The following PTCHD4 variants were observed in gnomAD, a reference collection of about 807,000 sequenced individuals.
PTCHD4 encodes the protein patched domain containing 4, also known as patched domain-containing protein 4.
In PTCHD4, 33 loss-of-function variants were observed where a neutral mutation model predicts 58.1. The observed-to-expected ratio is 0.57, with a 90% CI of 0.43 to 0.76. The LOEUF (loss-of-function observed/expected upper bound fraction) is 0.76. Among genes scored for constraint, PTCHD4 ranks in the 30% least tolerant of loss-of-function variants. The pLI, the probability that PTCHD4 is intolerant of heterozygous loss-of-function variation, is 0.00. For missense variants in PTCHD4, 1,058 were observed against 1,027.1 expected (o/e 1.03, Z -0.41); for synonymous variants, 478 against 409.6 (o/e 1.17, Z -2.02).
chr6:47,986,829 T>C (rs931931008), intron 4 of PTCHD4, among the ~76,000 whole-genome samples: 1 of 152,162 alleles, frequency 6.6e-6, no homozygotes, highest in African/African-American at 2.4e-5. Context: ...ACCAGTGATA[T>C]AGTCTGCTTT....
At chr6:48,039,126 G>A (rs1327245099) in intron 3 of PTCHD4, among the ~76,000 whole-genome samples, 1 of 152,066 alleles carries the variant, frequency 6.6e-6, no homozygotes, top group Non-Finnish European at 1.5e-5. Flanking sequence ...ATCTACAGTG[G>A]CCCCAAAGAG....
rs193003857 is a variant in PTCHD4, at chr6:47,941,626, C to G, written c.899-61690G>C. Among the ~76,000 whole-genome samples the G allele has an allele frequency of 4.5e-4, 68 of 152,206 alleles. No individual in the cohort carries two copies. In the East Asian group the frequency reaches 0.012, roughly 26 times the overall value. On this transcript the variant is annotated intron_variant, in intron 4 of 4. Transcript: ENST00000339488. ...AGATGCAAAATACTCTGGAGTTGAA[C>G]TGAGTAGGGGTTAAGTCAAACTCAA...
intron 4 of PTCHD4, among the ~76,000 whole-genome samples, chr6:47,887,574 T>C (rs1301563938): frequency 1.3e-5 from 2 of 152,218 alleles, no homozygotes; most frequent in African/African-American, 4.8e-5. Context: ...ATTTGGCTGG[T>C]TCAGGATTAT....
At chr6:48,104,637 A>G (rs931494169) in intron 1 of PTCHD4, among the ~76,000 whole-genome samples, 14 of 152,220 alleles carry the variant, frequency 9.2e-5, no homozygotes, top group Admixed American at 2.6e-4. Flanking sequence ...AAATGCTCCA[A>G]TTAAAAGGCA....
intron 3 of PTCHD4, among the ~76,000 whole-genome samples, chr6:48,013,265 G>A (rs530176437): frequency 2.0e-5 from 3 of 151,586 alleles, no homozygotes; most frequent in South Asian, 2.1e-4. Context: ...AACAAGAAAG[G>A]AATTTCATAG....
chr6:47,879,808 G>A lies in PTCHD4; in HGVS notation c.1027C>T (p.Leu343=). Residue 343 remains leucine (L), a synonymous_variant, in exon 5 of 5, where the codon CTG becomes TTG. Transcript: ENST00000339488. ...CCCATGCCAAAAGTGATGAAGTACAGGGAGCTGGTCATGGTATAGGTGACC... is the reference window on the plus strand; with the variant it reads ...CCCATGCCAAAAGTGATGAAGTACAAGGAGCTGGTCATGGTATAGGTGACC... ...VMVTYTMTSS[L]YFITFGMGAS... The A allele has an allele frequency of 1.2e-6, 2 of 1,613,610 alleles. No homozygotes were observed. The highest frequency in any genetic ancestry group is 1.7e-6 in the Non-Finnish European group (2 of 1,179,744).
chr6:47,948,782 C>T (rs956538700), intron 4 of PTCHD4, among the ~76,000 whole-genome samples: 1 of 152,168 alleles, frequency 6.6e-6, no homozygotes, highest in African/African-American at 2.4e-5. Flanking sequence ...TGGCTTCACT[C>T]AGTCTTGGGA....
chr6:48,054,682 T>C (rs1363770854), intron 3 of PTCHD4, among the ~76,000 whole-genome samples: 1 of 152,070 alleles, frequency 6.6e-6, no homozygotes, highest in African/African-American at 2.4e-5. Context: ...GTGCAACCGG[T>C]AAAATGATTA....
intron 3 of PTCHD4, among the ~76,000 whole-genome samples, chr6:48,043,511 T>A (rs1192407918): frequency 6.6e-6 from 1 of 151,928 alleles, no homozygotes; most frequent in Non-Finnish European, 1.5e-5. Context: ...CTCAAAGTTT[T>A]ACCTTAAGTA....
At chr6:47,880,282 C>A (rs527240808) in intron 4 of PTCHD4, among the ~76,000 whole-genome samples, 1 of 152,160 alleles carries the variant, frequency 6.6e-6, no homozygotes, top group Non-Finnish European at 1.5e-5. Context: ...CGGCAGGGGC[C>A]GTTATTTGTG....
At chr6:48,102,658 C>T (rs186679451) in intron 1 of PTCHD4, among the ~76,000 whole-genome samples, 6 of 152,206 alleles carry the variant, frequency 3.9e-5, no homozygotes, top group Non-Finnish European at 7.3e-5. Flanking sequence ...CGAAGCAGGG[C>T]GAGGCATCGC....
chr6:48,104,335 C>A (rs1765674134), intron 1 of PTCHD4, among the ~76,000 whole-genome samples: 1 of 152,194 alleles, frequency 6.6e-6, no homozygotes, highest in African/African-American at 2.4e-5. Flanking sequence ...GCTAGAATTT[C>A]ATTTCCAGCC....
rs184953473 is a variant in PTCHD4, at chr6:48,032,863, C to T, written c.418-23749G>A. 1.5e-3 allele frequency among the ~76,000 whole-genome samples: 223 copies of T among 152,188 alleles called. 4 individuals carry two copies. The South Asian group carries it at 0.038, about 26-fold the overall frequency. On this transcript the variant is annotated intron_variant, in intron 3 of 4. Transcript: ENST00000339488. ...TCCAATGACATTTGTCATTATTAAA[C>T]GGCATTTTCATTATTTTTATTTCTC...
At chr6:47,987,579 C>T (rs1212525488) in intron 4 of PTCHD4, among the ~76,000 whole-genome samples, 1 of 151,944 alleles carries the variant, frequency 6.6e-6, no homozygotes, top group African/African-American at 2.4e-5. Flanking sequence ...CACTAAAGGG[C>T]CATTTCTGAA....
chr6:47,911,391 A>G (rs1008012416), intron 4 of PTCHD4, among the ~76,000 whole-genome samples: 4 of 152,012 alleles, frequency 2.6e-5, no homozygotes, highest in African/African-American at 9.7e-5. Context: ...TCAAGCACTA[A>G]AGTTTTAGCA....
chr6:47,983,656 A>G (rs1274254249), intron 4 of PTCHD4, among the ~76,000 whole-genome samples: 1 of 152,176 alleles, frequency 6.6e-6, no homozygotes, highest in Non-Finnish European at 1.5e-5. Context: ...ACCTTAACAT[A>G]CTTGGGGAGA....
In PTCHD4 at chr6:47,877,211, C is replaced by T. The variant is rs963201781; in HGVS notation, c.*1092G>A. Among the ~76,000 whole-genome samples, 1 of 151,946 alleles carries T rather than the reference C, an allele frequency of 6.6e-6. No homozygotes were observed. Among genetic ancestry groups the T allele is most frequent in the South Asian group, 2.1e-4 (1 of 4,822 alleles). ...AGTTTCCTAGTTATGTCTCCTTTCTCCTATGTTAATTATCTATATTCCATG... is the reference window on the plus strand; with the variant it reads ...AGTTTCCTAGTTATGTCTCCTTTCTTCTATGTTAATTATCTATATTCCATG... On this transcript the variant is annotated 3_prime_UTR_variant, in exon 5 of 5. Transcript: ENST00000339488.
rs890373695 is a variant in PTCHD4, at chr6:47,864,653, C to T, written c.*13650G>A. The stretch of plus-strand genomic sequence containing the variant: ...TTACATTTTCTCAAGTTGTTATCTG[C>T]TTCCTCATCCTCACGTATTTTAGTT... On this transcript the variant is annotated 3_prime_UTR_variant, in exon 5 of 5. Coordinates refer to ENST00000339488, the MANE Select transcript of PTCHD4 (RefSeq NM_001384253.1). 2.0e-5 allele frequency among the ~76,000 whole-genome samples: 3 copies of T among 148,116 alleles called. No individual in the cohort carries two copies. Among genetic ancestry groups the T allele is most frequent in the Non-Finnish European group, 4.5e-5 (3 of 67,024 alleles).
chr6:47,902,134 T>C (rs1271429120), intron 4 of PTCHD4, among the ~76,000 whole-genome samples: 1 of 152,236 alleles, frequency 6.6e-6, no homozygotes. Flanking sequence ...TACTAGACTT[T>C]ATGGATGTAC....
Sources: gnomAD v4.1 joint callset for allele counts (sites outside exome capture counted in the v4.1 genomes callset) on GRCh38, gnomAD v4.1.1 for gene constraint, MANE v1.5 for transcripts, NCBI Gene and HGNC (gene_info 2026-07-23, HGNC 2026-07-21) for gene names.